EYS: variants seen among roughly 807,000 people sequenced by gnomAD.
EYS encodes protein eyes shut homolog.
A neutral mutation model predicts 282.1 loss-of-function variants in EYS; 250 were observed. The observed-to-expected ratio is 0.89, with a 90% confidence interval of 0.80 to 0.98. EYS has a LOEUF of 0.98. EYS is among the 50% of genes least tolerant of loss of function. The probability of loss-of-function intolerance (pLI) is 0.00; values close to 1 mark genes in which losing one functional copy is unlikely to be tolerated. For synonymous variants in EYS, 1,355 were observed against 1,282.9 expected (o/e 1.06, Z -1.20); for missense variants, 4,016 against 3,709.0 (o/e 1.08, Z -2.15).
At chr6:64,125,664 T>C (rs1330098142) in intron 31 of EYS, among the ~76,000 whole-genome samples, 1 of 151,308 alleles carries the variant, frequency 6.6e-6, no homozygotes, top group African/African-American at 2.4e-5. Flanking sequence ...TGGGCACCTG[T>C]AGTCCCAGCT....
intron 12 of EYS, among the ~76,000 whole-genome samples, chr6:65,085,968 T>C (rs1375829746): frequency 6.6e-6 from 1 of 151,844 alleles, no homozygotes; most frequent in African/African-American, 2.4e-5. Flanking sequence ...TCTCTACGTC[T>C]ATAAAAACAT....
At chr6:64,391,693 A>G (rs368967035) in intron 28 of EYS, among the ~76,000 whole-genome samples, 6 of 152,062 alleles carry the variant, frequency 3.9e-5, no homozygotes, top group Non-Finnish European at 5.9e-5. Context: ...AAAGACCATC[A>G]AGACTAGGAA....
At chr6:63,879,120 C>T (rs1773060968) in intron 35 of EYS, among the ~76,000 whole-genome samples, 1 of 152,070 alleles carries the variant, frequency 6.6e-6, no homozygotes, top group African/African-American at 2.4e-5. Context: ...AGAAAAATAT[C>T]TAACTTGATG....
At position 65,447,836 on chromosome 6, in the gene EYS, GA is replaced by G. The variant is rs1372048671; in HGVS notation, c.863-42470del. Among the ~76,000 whole-genome samples the G allele has an allele frequency of 3.4e-5, 5 of 144,952 alleles. No individual in the cohort carries two copies. In the South Asian group the frequency reaches 8.7e-4, roughly 25 times the overall value. On this transcript the variant is annotated intron_variant, in intron 5 of 42. Transcript: ENST00000503581. ...GAAGCCACCTGTGGGCTGAAACTGG[GA>G]AAAGTAGTTAGTTGTCTAGCTTCAT...
At chr6:65,144,881 C>G (rs1232145401) in intron 12 of EYS, among the ~76,000 whole-genome samples, 1 of 151,868 alleles carries the variant, frequency 6.6e-6, no homozygotes, top group African/African-American at 2.4e-5. Context: ...TCTCCTGCCT[C>G]AGCCTCCCAA....
Position 63,907,802 on chromosome 6 carries a change from T to C in EYS, c.7056-43444A>G, listed in dbSNP as rs565905235. ...CACCCTTCTGCAGCTCCAGCGCCTA[T>C]CATTCCACACTCTGTGTTCATGTGT... On this transcript the variant is annotated intron_variant, in intron 35 of 42. Transcript: ENST00000503581. 8.5e-5 allele frequency among the ~76,000 whole-genome samples: 13 copies of C among 152,094 alleles called. No homozygotes were observed. In the South Asian group the frequency reaches 2.7e-3, roughly 32 times the overall value.
intron 35 of EYS, among the ~76,000 whole-genome samples, chr6:63,981,290 C>T (rs1472527098): frequency 6.6e-6 from 1 of 151,710 alleles, no homozygotes; most frequent in Non-Finnish European, 1.5e-5. Flanking sequence ...CTGATAATCT[C>T]CTCCGTGGTC....
chr6:65,289,855 A>G (rs1768474840), intron 12 of EYS, among the ~76,000 whole-genome samples: 1 of 151,172 alleles, frequency 6.6e-6, no homozygotes, highest in African/African-American at 2.4e-5. Context: ...TTTTCAAAAA[A>G]ATTAAGAGCA....
chr6:63,896,946 A>T (rs1773550244), intron 35 of EYS, among the ~76,000 whole-genome samples: 1 of 152,164 alleles, frequency 6.6e-6, no homozygotes, highest in African/African-American at 2.4e-5. Context: ...CTACTGAAGT[A>T]TATTTTACTG....
intron 1 of EYS, among the ~76,000 whole-genome samples, chr6:65,642,718 T>C (rs1419532856): frequency 6.6e-6 from 1 of 152,198 alleles, no homozygotes; most frequent in Non-Finnish European, 1.5e-5. Context: ...GTGATTTCAG[T>C]CTAATAAGTA....
chr6:64,034,158 T>C (rs561113000), intron 33 of EYS, among the ~76,000 whole-genome samples: 8 of 152,190 alleles, frequency 5.3e-5, no homozygotes, highest in African/African-American at 1.9e-4. Flanking sequence ...AGTGTTAGAT[T>C]AAAATTAAAA....
At chr6:64,393,468 T>C (rs1447781842) in intron 28 of EYS, among the ~76,000 whole-genome samples, 4 of 152,218 alleles carry the variant, frequency 2.6e-5, no homozygotes, top group African/African-American at 9.7e-5. Flanking sequence ...GATGCAAGGC[T>C]GGTTCAACAC....
At chr6:64,846,209 T>A (rs1026571864) in intron 19 of EYS, among the ~76,000 whole-genome samples, 4 of 152,110 alleles carry the variant, frequency 2.6e-5, no homozygotes, top group Non-Finnish European at 4.4e-5. Context: ...AAGGAAAACA[T>A]AAAACAAAAT....
intron 12 of EYS, among the ~76,000 whole-genome samples, chr6:65,199,196 T>C (rs1308671000): frequency 6.6e-6 from 1 of 152,146 alleles, no homozygotes; most frequent in Non-Finnish European, 1.5e-5. Flanking sequence ...CCTCAGTTTT[T>C]ATAAATTATC....
intron 30 of EYS, among the ~76,000 whole-genome samples, chr6:64,273,493 T>C (rs1768009824): frequency 6.6e-6 from 1 of 152,168 alleles, no homozygotes; most frequent in African/African-American, 2.4e-5. Context: ...TTTCCCTTTA[T>C]GGAGTGTTTG....
intron 26 of EYS, among the ~76,000 whole-genome samples, chr6:64,442,957 A>C (rs186826941): frequency 1.3e-5 from 2 of 148,752 alleles, no homozygotes; most frequent in African/African-American, 4.9e-5. Context: ...TGCCTAGTGG[A>C]GTTGTGAGAA....
At chr6:65,514,635 G>A (rs539693720) in intron 2 of EYS, among the ~76,000 whole-genome samples, 74 of 152,124 alleles carry the variant, frequency 4.9e-4, no homozygotes, top group African/African-American at 1.3e-3. Context: ...AAATAATGCC[G>A]CATATCTACA....
chr6:64,132,974 G>A (rs1329724181), intron 31 of EYS, among the ~76,000 whole-genome samples: 1 of 151,842 alleles, frequency 6.6e-6, no homozygotes, highest in South Asian at 2.1e-4. Context: ...AAAATTGAAT[G>A]TACTACGTGT....
chr6:64,169,749 G>T (rs75829614), intron 31 of EYS, among the ~76,000 whole-genome samples: 3,882 of 152,088 alleles, frequency 0.026, 154 homozygotes, highest in African/African-American at 0.088. Context: ...GGGCCCATGG[G>T]AGTCTGCTAA....
Sources: gnomAD v4.1 joint callset for allele counts (sites outside exome capture counted in the v4.1 genomes callset) on GRCh38, gnomAD v4.1.1 for gene constraint, MANE v1.5 for transcripts, NCBI Gene and HGNC (gene_info 2026-07-23, HGNC 2026-07-21) for gene names.